SLC24A2: variants seen among roughly 807,000 people sequenced by gnomAD.
SLC24A2 encodes the protein sodium/potassium/calcium exchanger 2.
SLC24A2 carries 36 observed loss-of-function variants against 62.0 expected under a neutral mutation model. That is an observed-to-expected ratio of 0.58 (90% CI 0.44 to 0.77). SLC24A2 has a LOEUF of 0.77. Ranked by LOEUF, SLC24A2 falls within the 30% of genes least tolerant of loss-of-function variation. SLC24A2 has a pLI of 0.00. For synonymous variants in SLC24A2, 358 were observed against 294.0 expected (o/e 1.22, Z -2.23); for missense variants, 846 against 817.9 (o/e 1.03, Z -0.42).
the SLC24A2 span, among the ~76,000 whole-genome samples, chr9:20,147,784 C>A: frequency 6.6e-6 from 1 of 152,032 alleles, no homozygotes; most frequent in Non-Finnish European, 1.5e-5. Flanking sequence ...GTGCAACTAA[C>A]CTGGGGCAAA....
chr9:19,544,409 A>T (rs563243829), intron 8 of SLC24A2, among the ~76,000 whole-genome samples: 3 of 152,134 alleles, frequency 2.0e-5, no homozygotes, highest in Non-Finnish European at 2.9e-5. Context: ...TCTTTTAATT[A>T]GGGAATTTAT....
At chr9:19,873,329 TTTC>T in the SLC24A2 span, among the ~76,000 whole-genome samples, 24 of 151,940 alleles carry the variant, frequency 1.6e-4, no homozygotes, top group Middle Eastern at 6.8e-3. Context: ...CTTCTCTTTC[TTTC>T]TTCTTTTCTT....
chr9:19,581,724 C>T (rs1401043267), intron 5 of SLC24A2, among the ~76,000 whole-genome samples: 3 of 152,182 alleles, frequency 2.0e-5, no homozygotes, highest in African/African-American at 7.2e-5. Context: ...AGGGATTGCT[C>T]AGATATTTCA....
the SLC24A2 span, among the ~76,000 whole-genome samples, chr9:19,939,371 C>T: frequency 6.6e-6 from 1 of 152,188 alleles, no homozygotes; most frequent in Admixed American, 6.5e-5. Flanking sequence ...TGAATCTGTA[C>T]AGCATGTTAC....
At chr9:19,588,000 A>G (rs1321033593) in intron 5 of SLC24A2, among the ~76,000 whole-genome samples, 1 of 152,168 alleles carries the variant, frequency 6.6e-6, no homozygotes, top group Non-Finnish European at 1.5e-5. Context: ...TTACCCACAT[A>G]GCTGGTTTGG....
At chr9:20,052,803 C>A in the SLC24A2 span, among the ~76,000 whole-genome samples, 2 of 152,150 alleles carry the variant, frequency 1.3e-5, no homozygotes, top group African/African-American at 4.8e-5. Flanking sequence ...TTCTTTCAGA[C>A]TGCACTGTTA....
At chr9:19,847,453 C>T in the SLC24A2 span, among the ~76,000 whole-genome samples, 1 of 152,158 alleles carries the variant, frequency 6.6e-6, no homozygotes, top group East Asian at 1.9e-4. Flanking sequence ...ACCCTATCTT[C>T]TCATTGGTTG....
chr9:20,198,211 G>T, the SLC24A2 span, among the ~76,000 whole-genome samples: 1 of 152,134 alleles, frequency 6.6e-6, no homozygotes, highest in Non-Finnish European at 1.5e-5. Context: ...GTTCACTCGG[G>T]AAAGGGGGAA....
chr9:19,651,540 G>A (rs929842901), intron 2 of SLC24A2, among the ~76,000 whole-genome samples: 2 of 147,998 alleles, frequency 1.4e-5, no homozygotes, highest in Non-Finnish European at 3.0e-5. Context: ...GTTTGCTGCT[G>A]GGGAACCCCC....
the SLC24A2 span, among the ~76,000 whole-genome samples, chr9:20,214,730 C>A: frequency 6.6e-6 from 1 of 152,054 alleles, no homozygotes; most frequent in Non-Finnish European, 1.5e-5. Context: ...ATTTGTCTTC[C>A]CTACTAAATT....
At chr9:20,219,233 T>A in the SLC24A2 span, among the ~76,000 whole-genome samples, 1 of 152,282 alleles carries the variant, frequency 6.6e-6, no homozygotes, top group South Asian at 2.1e-4. Context: ...GCTAGTGAGA[T>A]GAGCTGAGGG....
intron 2 of SLC24A2, among the ~76,000 whole-genome samples, chr9:19,725,183 C>A (rs1460208670): frequency 1.3e-5 from 2 of 152,200 alleles, no homozygotes; most frequent in East Asian, 1.9e-4. Context: ...AGGTGGAGAC[C>A]AGAGATACCG....
In SLC24A2 at chr9:19,763,568, A is replaced by G. The variant is rs917042396; in HGVS notation, c.930+22369T>C. On this transcript the variant is annotated intron_variant, in intron 2 of 10. Transcript: ENST00000341998. ...AGGCCTTTACTGCATCTGTTGAGATAATCATGTAGTTTTGTCACTGGTTCT... is the reference window on the plus strand; with the variant it reads ...AGGCCTTTACTGCATCTGTTGAGATGATCATGTAGTTTTGTCACTGGTTCT... Among the ~76,000 whole-genome samples, 70 of 152,228 alleles carry G rather than the reference A, an allele frequency of 4.6e-4. 4 individuals carry two copies.
the SLC24A2 span, among the ~76,000 whole-genome samples, chr9:19,980,513 C>T: frequency 6.6e-6 from 1 of 152,094 alleles, no homozygotes; most frequent in Admixed American, 6.6e-5. Flanking sequence ...GTCTTTCTGG[C>T]ACATAGTGGA....
At chr9:19,818,462 T>A in the SLC24A2 span, among the ~76,000 whole-genome samples, 1 of 151,828 alleles carries the variant, frequency 6.6e-6, no homozygotes, top group Non-Finnish European at 1.5e-5. Flanking sequence ...CCCTAAAGAC[T>A]CCCCCAGAAA....
chr9:19,542,117 G>A (rs986329272), intron 8 of SLC24A2, among the ~76,000 whole-genome samples: 1 of 152,160 alleles, frequency 6.6e-6, no homozygotes, highest in Non-Finnish European at 1.5e-5. Flanking sequence ...GCACTCCCTA[G>A]TGAGATGAAC....
chr9:19,573,507 CACACACACACACACACACACACAG>C lies in SLC24A2; in HGVS notation c.1229-62_1229-39del, dbSNP rs767781897. 4.2e-4 allele frequency: 11 copies of C among 26,238 alleles called. 1 individual carries two copies. The highest frequency in any genetic ancestry group is 7.4e-4 in the East Asian group (2 of 2,698). The allele number at this position is 26,238 out of a possible 1,614,324, so 1.6% of individuals were successfully genotyped here. On this transcript the variant is annotated intron_variant, in intron 6 of 10. Transcript: ENST00000341998. ...TTAAACACACACACACACACACACA[CACACACACACACACACACACACAG>C]AGAGAGAGAGAGAGAGAGAGAGAAA...
At chr9:19,909,441 C>A in the SLC24A2 span, among the ~76,000 whole-genome samples, 2 of 151,920 alleles carry the variant, frequency 1.3e-5, 1 homozygote, top group South Asian at 4.2e-4. Context: ...TGTAACAAAC[C>A]TGCACATTGT....
At chr9:19,868,657 G>A in the SLC24A2 span, among the ~76,000 whole-genome samples, 2 of 151,902 alleles carry the variant, frequency 1.3e-5, no homozygotes, top group East Asian at 1.9e-4. Context: ...GTTGTTAGTC[G>A]TGTATATATT....
Sources: allele counts gnomAD v4.1 joint callset (sites outside exome capture counted in the v4.1 genomes callset), GRCh38; gene constraint gnomAD v4.1.1; transcripts MANE v1.5; gene names NCBI Gene and HGNC (gene_info 2026-07-23, HGNC 2026-07-21).